The following RBBP6 variants were observed in gnomAD, a reference collection of about 807,000 sequenced individuals.
RBBP6 encodes E3 ubiquitin-protein ligase RBBP6.
RBBP6 carries 25 observed loss-of-function variants against 167.7 expected under a neutral mutation model. The observed-to-expected ratio is 0.15, with a 90% CI of 0.11 to 0.21. The LOEUF (loss-of-function observed/expected upper bound fraction) is 0.21. RBBP6 is among the 10% of genes least tolerant of loss of function. RBBP6 has a pLI of 1.00. For synonymous variants in RBBP6, 789 were observed against 735.8 expected, an observed-to-expected ratio of 1.07 and a Z score of -1.17; for missense variants, 1,868 against 2,134.2, an observed-to-expected ratio of 0.88 and a Z score of 2.46.
At chr16:24,568,253 C>T (rs968387009) in intron 16 of RBBP6, among the ~76,000 whole-genome samples, 2 of 152,100 alleles carry the variant, frequency 1.3e-5, no homozygotes, top group African/African-American at 2.4e-5. Flanking sequence ...CATTAACCTG[C>T]GTAATTATGA....
intron 2 of RBBP6, 104 bp downstream of exon 2, chr16:24,546,366 T>A: frequency 8.0e-7 from 1 of 1,252,320 alleles, no homozygotes; most frequent in Non-Finnish European, 1.0e-6. Flanking sequence ...ACTTTAACCT[T>A]AATGAATACA....
rs765793950 is a variant in RBBP6, at chr16:24,569,580, A to G, written c.2890A>G (p.Thr964Ala). The G allele has an allele frequency of 5.0e-6, 8 of 1,612,728 alleles. No homozygotes were observed. The highest frequency in any genetic ancestry group is 5.9e-6 in the Non-Finnish European group (7 of 1,179,708). Residue 964 changes from threonine (T) to alanine (A), a missense_variant, in exon 17 of 18, where the codon ACA becomes GCA. Transcript: ENST00000319715. ...GACTTCTAGGAAATCAAGAGAACCT[A>G]CAGGTGTTGAAGAAAATAAAACAGA... ...LETSRKSREP[T>A]GVEENKTDSL... is the part of the protein sequence containing the mutation.
intron 8 of RBBP6, among the ~76,000 whole-genome samples, chr16:24,560,603 C>A (rs1899027236): frequency 1.3e-5 from 2 of 152,132 alleles, no homozygotes; most frequent in Admixed American, 1.3e-4. Flanking sequence ...AATATACAGT[C>A]CTCATACACA....
At chr16:24,564,907 T>A (rs562909538) in intron 14 of RBBP6, 42 bp downstream of exon 14, 482 of 1,573,592 alleles carry the variant, frequency 3.1e-4, no homozygotes, top group Non-Finnish European at 3.8e-4. Flanking sequence ...ATCTTATTTT[T>A]TATATATATA....
Position 24,571,042 on chromosome 16 carries a change from T to C in RBBP6, c.3976T>C (p.Phe1326Leu), listed in dbSNP as rs1348576648. The stretch of plus-strand genomic sequence containing the variant: ...TCAATCCAAATGGGATAAAGATGAC[T>C]TTGAATCTGAAGAAGAAGATGTTAA... The part of the protein sequence containing the change: ...VPQSKWDKDD[F>L]ESEEEDVKST... Residue 1326 changes from phenylalanine (F) to leucine (L), a missense_variant, in exon 18 of 18, where the codon TTT (phenylalanine) becomes CTT (leucine). Physicochemically the swap from Phe to Leu is conservative, Grantham distance 22 (BLOSUM62 0). Around this residue, in one of 7 missense-constraint regions of RBBP6, gnomAD observed 591 missense variants for 540.5 expected, o/e 1.09. Transcript: ENST00000319715. 7 of 1,612,170 alleles carry C rather than the reference T, an allele frequency of 4.3e-6. No individual in the cohort carries two copies. The highest frequency in any genetic ancestry group is 5.9e-6 in the Non-Finnish European group (7 of 1,178,542).
intron 16 of RBBP6, 49 bp from the exon 17 acceptor site, chr16:24,568,696 T>C: frequency 6.5e-7 from 1 of 1,544,340 alleles, no homozygotes; most frequent in Non-Finnish European, 8.7e-7. Context: ...CTGTGTTTTA[T>C]TTTGTATGTA....
intron 4 of RBBP6, chr16:24,553,938 G>A (rs10521126): frequency 0.23 from 35,818 of 155,740 alleles, 4,566 homozygotes; most frequent in Admixed American, 0.32. Context: ...TTACACGGAC[G>A]ATTGCATGGT....
At chr16:24,565,015 A>G (rs1899158735) in intron 14 of RBBP6, 150 bp downstream of exon 14, 1 of 1,291,206 alleles carries the variant, frequency 7.7e-7, no homozygotes, top group African/African-American at 1.5e-5. Flanking sequence ...AGTTGTCCTT[A>G]AAGAGGGCTA....
Position 24,569,452 on chromosome 16 carries a change from G to C in RBBP6, c.2762G>C (p.Ser921Thr), listed in dbSNP as rs772662451. The C allele has an allele frequency of 1.2e-5, 20 of 1,612,472 alleles. No individual in the cohort carries two copies. The highest frequency in any genetic ancestry group is 1.6e-5 in the Non-Finnish European group (19 of 1,179,690). Residue 921 changes from serine (S) to threonine (T), a missense_variant, in exon 17 of 18, where the codon AGT (serine) becomes ACT (threonine). Ser to Thr is a moderately conservative substitution (Grantham distance 58). Transcript: ENST00000319715. ...AATACAAAGTCAAAAGAGAAGGAGA[G>C]TGAAAACGCTCCAGGAGATGGTAAA... ...KDNTKSKEKE[S>T]ENAPGDGKGN... is the part of the protein sequence containing the mutation.
rs1490532560 is a variant in RBBP6 at position 24,563,640 on chromosome 16, G to A, written c.1496G>A (p.Gly499Asp). The change falls in exon 13 of 18, where the codon GGT becomes GAT. Residue 499 changes from glycine to aspartate, a missense_variant. Around this residue, in one of 7 missense-constraint regions of RBBP6, gnomAD observed 245 missense variants for 240.1 expected, o/e 1.02. Coordinates refer to ENST00000319715, the MANE Select transcript of RBBP6 (RefSeq NM_006910.5). Reference protein sequence around the residue: ...GPVRINTARPGGGRPGWEHSN... With the variant: ...GPVRINTARPDGGRPGWEHSN... ...GTAAGAATAAATACTGCTCGTCCAG[G>A]TGGTGGTCGACCAGGCTGGGAACAG... 57 of 1,611,194 alleles carry A rather than the reference G, an allele frequency of 3.5e-5. No homozygotes were observed. Among genetic ancestry groups the A allele is most frequent in the Non-Finnish European group, 4.8e-5 (57 of 1,179,530 alleles).
chr16:24,547,127 A>C (rs1898675525), intron 2 of RBBP6, among the ~76,000 whole-genome samples: 1 of 152,150 alleles, frequency 6.6e-6, no homozygotes, highest in Non-Finnish European at 1.5e-5. Context: ...ATTGGAACAA[A>C]TTATTTTGAG....
At chr16:24,543,294 T>G (rs1044826980) in intron 1 of RBBP6, among the ~76,000 whole-genome samples, 14 of 99,442 alleles carry the variant, frequency 1.4e-4, no homozygotes, top group Non-Finnish European at 2.5e-4. Flanking sequence ...CCTTAAATCT[T>G]TTTTTTTTTT....
intron 2 of RBBP6, among the ~76,000 whole-genome samples, chr16:24,547,757 A>G (rs1898694945): frequency 6.6e-6 from 1 of 152,192 alleles, no homozygotes; most frequent in Admixed American, 6.5e-5. Flanking sequence ...CACCCAGCCT[A>G]AGAATTATAA....
intron 12 of RBBP6, 42 bp from the exon 13 acceptor site, chr16:24,563,568 G>A (rs758998511): frequency 5.6e-6 from 9 of 1,610,372 alleles, no homozygotes; most frequent in Non-Finnish European, 7.6e-6. Flanking sequence ...GATTTAATGT[G>A]CAATTTTGTA....
At chr16:24,545,256 T>TA (rs994423329) in intron 1 of RBBP6, among the ~76,000 whole-genome samples, 2 of 152,124 alleles carry the variant, frequency 1.3e-5, no homozygotes, top group Admixed American at 6.5e-5. Flanking sequence ...GTATTTTTAG[T>TA]AGAGATGGGG....
At chr16:24,550,395 T>C (rs1898771045) in intron 3 of RBBP6, among the ~76,000 whole-genome samples, 2 of 150,044 alleles carry the variant, frequency 1.3e-5, no homozygotes, top group African/African-American at 4.9e-5. Flanking sequence ...AGCATAATGC[T>C]GTAAAAACTG....
chr16:24,563,375 T>C (rs1182213685), intron 11 of RBBP6, 48 bp from the exon 12 acceptor site: 3 of 1,545,448 alleles, frequency 1.9e-6, no homozygotes, highest in Non-Finnish European at 2.6e-6. Context: ...TACCTCTTTT[T>C]TTTTTTTTTT....
intron 7 of RBBP6, among the ~76,000 whole-genome samples, chr16:24,556,910 A>G (rs1304208237): frequency 3.3e-5 from 5 of 151,992 alleles, no homozygotes; most frequent in Non-Finnish European, 7.4e-5. Flanking sequence ...TGGATATGCC[A>G]TGTGAGTCTT....
Position 24,571,508 on chromosome 16 carries a change from A to T in RBBP6, c.4442A>T (p.Glu1481Val). 6.2e-7 allele frequency: 1 copy of T among 1,613,430 alleles called. No homozygotes were observed. The part of the protein sequence containing the change: ...RDKKTDYDTR[E>V]YSSSKRRDEK... ...AAAAAAACTGACTATGACACCAGAG[A>T]GTATTCAAGTTCCAAACGTAGAGAT... Residue 1481 changes from glutamate to valine, a missense_variant, in exon 18 of 18, where the codon GAG becomes GTG. Physicochemically the swap from Glu to Val is moderately radical, Grantham distance 121. Around this residue, in one of 7 missense-constraint regions of RBBP6, gnomAD observed 591 missense variants for 540.5 expected, o/e 1.09. Transcript: ENST00000319715.
Sources: gnomAD v4.1 joint callset for allele counts (sites outside exome capture counted in the v4.1 genomes callset) on GRCh38, gnomAD v4.1.1 for gene constraint, gnomAD v4.1.1 regional missense constraint, MANE v1.5 for transcripts, NCBI Gene and HGNC (gene_info 2026-07-23, HGNC 2026-07-21) for gene names.